AQR: variants seen among roughly 807,000 people sequenced by gnomAD.
AQR encodes the protein aquarius intron-binding spliceosomal factor.
In AQR, 61 loss-of-function variants were observed where a neutral mutation model predicts 180.5. The ratio of observed to expected loss-of-function variants is 0.34; its 90% CI spans 0.28 to 0.42. The LOEUF (loss-of-function observed/expected upper bound fraction) is 0.42, where lower values mean the gene tolerates loss of function less well. AQR is among the 10% of genes least tolerant of loss of function. The probability of loss-of-function intolerance (pLI) is 1.00; values close to 1 mark genes in which losing one functional copy is unlikely to be tolerated. For missense variants in AQR, 1,281 were observed against 1,798.3 expected (o/e 0.71, Z 5.20); for synonymous variants, 551 against 588.8 (o/e 0.94, Z 0.93).
intron 9 of AQR, among the ~76,000 whole-genome samples, chr15:34,937,807 C>T (rs1893966462): frequency 2.0e-5 from 3 of 151,912 alleles, no homozygotes; most frequent in Non-Finnish European, 4.4e-5. Context: ...TTGCTTGATC[C>T]CAGGAGACGG....
intron 2 of AQR, among the ~76,000 whole-genome samples, chr15:34,963,101 T>A (rs2050289018): frequency 6.6e-6 from 1 of 152,148 alleles, no homozygotes; most frequent in Non-Finnish European, 1.5e-5. Context: ...CGCTTCAGCT[T>A]CCAGAGCAAT....
intron 9 of AQR, among the ~76,000 whole-genome samples, chr15:34,936,638 C>A (rs1279926088): frequency 6.6e-6 from 1 of 151,790 alleles, no homozygotes; most frequent in Non-Finnish European, 1.5e-5. Context: ...ATCACTTGGA[C>A]CCAGGAGGCA....
chr15:34,967,741 G>A (rs1595369056), intron 1 of AQR, among the ~76,000 whole-genome samples: 1 of 152,158 alleles, frequency 6.6e-6, no homozygotes, highest in Non-Finnish European at 1.5e-5. Flanking sequence ...ATAAGCACAG[G>A]TCAAATCACA....
Position 34,918,360 on chromosome 15 carries a change from G to T in AQR, c.1240C>A (p.Arg414=), listed in dbSNP as rs756553023. ...TTCAACTGCTGAATCTGAGAAATTC[G>T]ACGTTCATGACGAGATACCTAAAAT... ...LELLVSRHER[R]ISQIQQLNQM... is the part of the protein sequence containing the mutation. Residue 414 remains arginine (R), a synonymous_variant, in exon 15 of 35, where the codon CGA becomes AGA. Transcript: ENST00000156471. 1 of 1,613,124 alleles carries T rather than the reference G, an allele frequency of 6.2e-7. No homozygotes were observed.
In AQR at chr15:34,897,550, TA is replaced by T. The variant is rs760306946; in HGVS notation, c.2390+8del. 8 of 1,613,570 alleles carry T rather than the reference TA, an allele frequency of 5.0e-6. No individual in the cohort carries two copies. In the Middle Eastern group the frequency reaches 8.3e-4, roughly 166 times the overall value. ...TCATCATTACAATTATAATAGGTAG[TA>T]AAATTACCGTTTGGGTTGATTATAA... is the stretch of plus-strand genomic sequence containing the variant. On this transcript the variant is annotated splice_region_variant and intron_variant, in intron 21 of 34. Transcript: ENST00000156471.
chr15:34,906,762 GT>G, intron 17 of AQR, 50 bp from the exon 18 acceptor site: 1 of 1,563,084 alleles, frequency 6.4e-7, no homozygotes, highest in Non-Finnish European at 8.7e-7. Context: ...ATTGTTTTCA[GT>G]CTTTTGTAGG....
intron 30 of AQR, among the ~76,000 whole-genome samples, chr15:34,871,503 CTCCA>C: frequency 1.5e-4 from 20 of 132,290 alleles, no homozygotes; most frequent in African/African-American, 4.8e-4. Context: ...GAGATCTCAT[CTCCA>C]AAAAAAAAAA....
In AQR at chr15:34,893,598, C is replaced by T. The variant is rs12906598; in HGVS notation, c.2571+65G>A. ...CCTAACCTGCATACCCATGTGCATG[C>T]GCATGCGTGCACACACACACACACA... is the stretch of plus-strand genomic sequence containing the variant. On this transcript the variant is annotated intron_variant, in intron 23 of 34. Coordinates refer to ENST00000156471, the MANE Select transcript of AQR (RefSeq NM_014691.3). 4.2e-3 allele frequency: 5,542 copies of T among 1,307,418 alleles called. 91 individuals are homozygous for T. Among genetic ancestry groups the T allele is most frequent in the Non-Finnish European group, 5.3e-3 (4,934 of 924,918 alleles). The allele number at this position is 1,307,418 out of a possible 1,614,324, so 81.0% of individuals were successfully genotyped here.
intron 32 of AQR, among the ~76,000 whole-genome samples, chr15:34,864,155 G>A (rs773104006): frequency 6.7e-5 from 10 of 149,914 alleles, no homozygotes; most frequent in Admixed American, 6.0e-4. Flanking sequence ...TCTCTAATTC[G>A]GCCTCATTTT....
chr15:34,947,232 A>T (rs1448091373), intron 5 of AQR, among the ~76,000 whole-genome samples: 1 of 151,826 alleles, frequency 6.6e-6, no homozygotes, highest in Non-Finnish European at 1.5e-5. Flanking sequence ...TGCTCTGTGA[A>T]ACATGTGCTG....
intron 33 of AQR, among the ~76,000 whole-genome samples, chr15:34,862,139 A>G (rs1892679102): frequency 6.6e-6 from 1 of 152,142 alleles, no homozygotes; most frequent in Non-Finnish European, 1.5e-5. Flanking sequence ...GATAAGAGGG[A>G]GTAGTATTTC....
intron 8 of AQR, among the ~76,000 whole-genome samples, chr15:34,939,214 G>A (rs11852957): frequency 0.61 from 92,612 of 152,010 alleles, 30,567 homozygotes; most frequent in South Asian, 0.75. Flanking sequence ...GATGACAGGC[G>A]CCTGCCACCA....
intron 19 of AQR, 81 bp from the exon 20 acceptor site, chr15:34,900,944 C>T: frequency 6.7e-7 from 1 of 1,485,718 alleles, no homozygotes; most frequent in Non-Finnish European, 9.0e-7. Context: ...GAGCTGGCTG[C>T]ACTAATCCAG....
In AQR at chr15:34,944,402, G is replaced by A. The variant is rs747856432; in HGVS notation, c.357C>T (p.Phe119=). 128 of 1,604,450 alleles carry A rather than the reference G, an allele frequency of 8.0e-5. No homozygotes were observed. In the Middle Eastern group the frequency reaches 1.7e-3, roughly 21 times the overall value. Residue 119 remains phenylalanine, a synonymous_variant, in exon 6 of 35, where the codon TTC becomes TTT. Transcript: ENST00000156471. ...WEIFKKKPDH[F]PFFFKHILKA... ...TCAAGATGTGTTTAAAAAAGAATGGGAAGTGGTCTGGCTTCTTCTTAAAAA... is the reference window on the plus strand; with the variant it reads ...TCAAGATGTGTTTAAAAAAGAATGGAAAGTGGTCTGGCTTCTTCTTAAAAA...
At chr15:34,920,183 T>A (rs1893662573) in intron 14 of AQR, 149 bp downstream of exon 14, 5 of 569,030 alleles carry the variant, frequency 8.8e-6, no homozygotes, top group Non-Finnish European at 1.5e-5. Flanking sequence ...AAACAAAAAA[T>A]CAAATGATAA....
Position 34,897,720 on chromosome 15 carries a change from C to T in AQR, c.2244-15G>A, listed in dbSNP as rs1893270263. On this transcript the variant is annotated splice_polypyrimidine_tract_variant and intron_variant, in intron 20 of 34. Transcript: ENST00000156471. ...GAAAAGTTATCCTACAAGACCAAAA[C>T]TTCTGTTCATTTTTGCAATTAACAA... The T allele has an allele frequency of 5.6e-6, 9 of 1,613,036 alleles. No individual in the cohort carries two copies. Among genetic ancestry groups the T allele is most frequent in the South Asian group, 1.1e-5 (1 of 90,974 alleles).
chr15:34,960,140 G>A (rs2050265916), intron 3 of AQR, among the ~76,000 whole-genome samples: 2 of 152,136 alleles, frequency 1.3e-5, no homozygotes, highest in South Asian at 4.1e-4. Flanking sequence ...GGACATACAT[G>A]TCTGCAGGTG....
At chr15:34,906,495 A>G (rs755819969) in intron 18 of AQR, 50 bp downstream of exon 18, 1 of 1,566,274 alleles carries the variant, frequency 6.4e-7, no homozygotes, top group African/African-American at 1.4e-5. Flanking sequence ...AAAGGCAAAG[A>G]AATTTATCAT....
At chr15:34,931,011 C>T (rs1406661429) in intron 11 of AQR, among the ~76,000 whole-genome samples, 12 of 151,760 alleles carry the variant, frequency 7.9e-5, no homozygotes, top group Admixed American at 7.9e-4. Flanking sequence ...TAATTTTTTG[C>T]ACTTTTAGTA....
Sources: gnomAD v4.1 joint callset for allele counts (sites outside exome capture counted in the v4.1 genomes callset) on GRCh38, gnomAD v4.1.1 for gene constraint, MANE v1.5 for transcripts, NCBI Gene and HGNC (gene_info 2026-07-23, HGNC 2026-07-21) for gene names.